The following CFAP20DC variants were observed in gnomAD, a reference collection of about 807,000 sequenced individuals.
CFAP20DC encodes protein CFAP20DC.
A neutral mutation model predicts 101.7 loss-of-function variants in CFAP20DC; 84 were observed. The observed-to-expected ratio is 0.83, with a 90% CI of 0.69 to 0.99. The LOEUF is 0.99. CFAP20DC is among the 50% of genes least tolerant of loss of function. The pLI is 0.00. For missense variants in CFAP20DC, 1,007 were observed against 970.3 expected, an observed-to-expected ratio of 1.04 and a Z score of -0.50; for synonymous variants, 359 against 351.2, an observed-to-expected ratio of 1.02 and a Z score of -0.25.
At chr3:58,787,636 ACCGAGTATATAC>A (rs1423995549) in intron 15 of CFAP20DC, among the ~76,000 whole-genome samples, 3 of 152,148 alleles carry the variant, frequency 2.0e-5, no homozygotes, top group Non-Finnish European at 4.4e-5. Flanking sequence ...CAATCCCATT[ACCGAGTATATAC>A]CCAAAGGATT....
chr3:58,877,597 G>C lies in CFAP20DC; in HGVS notation c.715+6948C>G, dbSNP rs1171198254. 2.0e-5 allele frequency among the ~76,000 whole-genome samples: 3 copies of C among 152,150 alleles called. No individual in the cohort carries two copies. The East Asian group carries it at 5.8e-4, about 29-fold the overall frequency. On this transcript the variant is annotated intron_variant, in intron 7 of 16. Transcript: ENST00000482387. ...AGAGATCTGTCCATGCTCTGAGCGG[G>C]GGCTCAGAAGCCAAGCACCCCAATG...
At chr3:58,776,983 T>C (rs747550191) in intron 15 of CFAP20DC, among the ~76,000 whole-genome samples, 14 of 151,974 alleles carry the variant, frequency 9.2e-5, no homozygotes, top group Non-Finnish European at 2.1e-4. Flanking sequence ...CTAAGCCAAA[T>C]GGAAGAGCCA....
chr3:58,923,866 T>C (rs900132400), intron 5 of CFAP20DC, among the ~76,000 whole-genome samples: 2 of 152,306 alleles, frequency 1.3e-5, no homozygotes, highest in African/African-American at 4.8e-5. Context: ...TGCAATCACA[T>C]ACATACTAGA....
chr3:58,967,946 G>C (rs1023328895), intron 4 of CFAP20DC, among the ~76,000 whole-genome samples: 7 of 152,136 alleles, frequency 4.6e-5, no homozygotes, highest in Non-Finnish European at 8.8e-5. Flanking sequence ...CCACTTATAA[G>C]TGAGAACATG....
chr3:58,855,620 T>G (rs1021764976), intron 12 of CFAP20DC, among the ~76,000 whole-genome samples: 2 of 151,774 alleles, frequency 1.3e-5, no homozygotes, highest in Admixed American at 1.3e-4. Flanking sequence ...ATTAAGAAAA[T>G]GTGGCACAGA....
intron 6 of CFAP20DC, among the ~76,000 whole-genome samples, chr3:58,909,813 T>A (rs909573308): frequency 6.6e-6 from 1 of 152,112 alleles, no homozygotes; most frequent in African/African-American, 2.4e-5. Context: ...GTTGGTTGCA[T>A]CTATCAACTC....
At position 58,809,202 on chromosome 3, in the gene CFAP20DC, C is replaced by G. The variant is rs572513357; in HGVS notation, c.2176-2746G>C. On this transcript the variant is annotated intron_variant, in intron 14 of 16. Transcript: ENST00000482387. ...GAACTCAGCTCTGCACCAAGCGGAC[C>G]TAATAGACATCTACAGAACTCTCCA... Among the ~76,000 whole-genome samples the G allele has an allele frequency of 5.9e-5, 9 of 152,152 alleles. No homozygotes were observed. The South Asian group carries it at 1.9e-3, about 32-fold the overall frequency.
Position 58,891,109 on chromosome 3 carries a change from C to G in CFAP20DC, c.551-6400G>C, listed in dbSNP as rs368194084. Among the ~76,000 whole-genome samples the G allele has an allele frequency of 4.0e-5, 6 of 150,902 alleles. No individual in the cohort carries two copies. In the East Asian group the frequency reaches 9.8e-4, roughly 25 times the overall value. ...TGTAGGTTGTAGTGAGCCGAGATCA[C>G]GCCACTGCACTCCAGCCTGGGCACC... On this transcript the variant is annotated intron_variant, in intron 6 of 16. Coordinates refer to ENST00000482387, the MANE Select transcript of CFAP20DC (RefSeq NM_001394063.1).
intron 4 of CFAP20DC, among the ~76,000 whole-genome samples, chr3:58,945,107 A>G (rs2089168641): frequency 1.3e-5 from 2 of 152,170 alleles, no homozygotes; most frequent in African/African-American, 4.8e-5. Context: ...GATATCTACT[A>G]TTATTATTAT....
intron 4 of CFAP20DC, among the ~76,000 whole-genome samples, chr3:58,968,336 T>C (rs2091725408): frequency 6.6e-6 from 1 of 152,168 alleles, no homozygotes; most frequent in South Asian, 2.1e-4. Context: ...CAACAGTGTA[T>C]AAGTGTTCCC....
intron 13 of CFAP20DC, among the ~76,000 whole-genome samples, chr3:58,833,791 C>T (rs1315087723): frequency 2.0e-5 from 3 of 152,242 alleles, no homozygotes; most frequent in Middle Eastern, 6.8e-3. Context: ...AAGCATTATC[C>T]ATAATAGCCA....
rs1004733118 is a variant in CFAP20DC at position 58,724,544 on chromosome 3, A to T, written c.198-6916T>A. ...CTAGCTACTCTCCGATAAGTTAAAG[A>T]TATGCTGTTTGAGCACAAAGGAGAT... On this transcript the variant is annotated intron_variant, in intron 3 of 3. Transcript: ENST00000486145. The surrounding 1 kb of genome is among the most constrained non-coding windows in gnomAD (Gnocchi z 5.6). Among the ~76,000 whole-genome samples the T allele has an allele frequency of 1.3e-5, 2 of 152,186 alleles. No homozygotes were observed. The highest frequency in any genetic ancestry group is 2.9e-5 in the Non-Finnish European group (2 of 68,042).
At chr3:58,720,109 C>T (rs1447026727) in intron 3 of CFAP20DC, among the ~76,000 whole-genome samples, 1 of 152,226 alleles carries the variant, frequency 6.6e-6, no homozygotes, top group Non-Finnish European at 1.5e-5. Context: ...AAACTGCTCC[C>T]TGCTTCAAGC....
At chr3:59,003,813 A>G (rs951287392) in intron 4 of CFAP20DC, among the ~76,000 whole-genome samples, 3 of 152,230 alleles carry the variant, frequency 2.0e-5, no homozygotes, top group Non-Finnish European at 4.4e-5. Context: ...TAATGAAAAC[A>G]ACACATAGTA....
chr3:58,874,771 T>A lies in CFAP20DC; in HGVS notation c.716-4462A>T, dbSNP rs1160536186. 1.3e-5 allele frequency among the ~76,000 whole-genome samples: 2 copies of A among 152,220 alleles called. No individual in the cohort carries two copies. The highest frequency in any genetic ancestry group is 2.9e-5 in the Non-Finnish European group (2 of 68,042). ...CTCATAGAACTTGTCAGAATTGAACTTTTACACATGTCCATGGGATTCTCT... is the reference window on the plus strand; with the variant it reads ...CTCATAGAACTTGTCAGAATTGAACATTTACACATGTCCATGGGATTCTCT... On this transcript the variant is annotated intron_variant, in intron 7 of 16. Transcript: ENST00000482387. This position sits in a 1 kb window ranked among gnomAD's most constrained non-coding sequence, Gnocchi z 5.1.
intron 14 of CFAP20DC, chr3:58,824,546 G>A (rs910483392): frequency 4.6e-5 from 7 of 152,086 alleles, no homozygotes; most frequent in South Asian, 2.1e-4. Flanking sequence ...TAAAAGAACC[G>A]GAGATAAGAT....
At chr3:58,963,187 AGTTTGT>A (rs1208668959) in intron 4 of CFAP20DC, among the ~76,000 whole-genome samples, 8 of 53,002 alleles carry the variant, frequency 1.5e-4, no homozygotes, top group East Asian at 1.6e-3. Flanking sequence ...AAGGTTCAGT[AGTTTGT>A]GTGTGTGTGT....
chr3:58,988,341 G>C (rs2092819550), intron 4 of CFAP20DC, among the ~76,000 whole-genome samples: 1 of 152,130 alleles, frequency 6.6e-6, no homozygotes, highest in South Asian at 2.1e-4. Context: ...GTCAAGACGG[G>C]TTATACCAAA....
Position 59,001,564 on chromosome 3 carries a change from A to G in CFAP20DC, c.278+37993T>C, listed in dbSNP as rs899946543. On this transcript the variant is annotated intron_variant, in intron 4 of 16. Coordinates refer to ENST00000482387, the MANE Select transcript of CFAP20DC (RefSeq NM_001394063.1). This position sits in a 1 kb window ranked among gnomAD's most constrained non-coding sequence, Gnocchi z 4.5. Reference sequence around the variant, plus strand: ...ATAGCTGGGATTATAGGCATGCGCCACCACGCCCAGCTAATTTTGTATTTT... The same window carrying G: ...ATAGCTGGGATTATAGGCATGCGCCGCCACGCCCAGCTAATTTTGTATTTT... Among the ~76,000 whole-genome samples the G allele has an allele frequency of 6.6e-6, 1 of 152,180 alleles. No homozygotes were observed. Among genetic ancestry groups the G allele is most frequent in the African/African-American group, 2.4e-5 (1 of 41,440 alleles).
Sources: gnomAD v4.1 joint callset for allele counts (sites outside exome capture counted in the v4.1 genomes callset) on GRCh38, gnomAD v4.1.1 for gene constraint, Gnocchi (gnomAD v3.1) non-coding constraint, MANE v1.5 for transcripts, NCBI Gene and HGNC (gene_info 2026-07-23, HGNC 2026-07-21) for gene names.